Variants in SUPT3H observed in about 807,000 individuals in gnomAD.
The protein encoded by SUPT3H is transcription initiation protein SPT3 homolog.
Under a neutral mutation model 44.3 loss-of-function variants are expected in SUPT3H, and 44 were observed. That is an observed-to-expected ratio of 0.99 (90% CI 0.78 to 1.28). The LOEUF (loss-of-function observed/expected upper bound fraction) is 1.28. Among genes scored for constraint, SUPT3H ranks in the 50% most tolerant of loss-of-function variants. SUPT3H has a pLI of 0.00. For missense variants in SUPT3H, 380 were observed against 387.1 expected (o/e 0.98, Z 0.15); for synonymous variants, 124 against 125.6 (o/e 0.99, Z 0.09).
At chr6:45,345,685 T>C (rs1424980116) in intron 2 of SUPT3H, among the ~76,000 whole-genome samples, 1 of 152,182 alleles carries the variant, frequency 6.6e-6, no homozygotes, top group Non-Finnish European at 1.5e-5. Context: ...CTACAATAGG[T>C]CTTTCCACAG....
intron 2 of SUPT3H, among the ~76,000 whole-genome samples, chr6:45,351,367 G>A (rs951882910): frequency 5.3e-5 from 8 of 151,932 alleles, no homozygotes; most frequent in Non-Finnish European, 1.0e-4. Flanking sequence ...TACGTACCAG[G>A]CACTGTAAAA....
At position 45,150,026 on chromosome 6, in the gene SUPT3H, G is replaced by T. The variant is rs187858782; in HGVS notation, c.102-44020C>A. Among the ~76,000 whole-genome samples, 388 of 151,972 alleles carry T rather than the reference G, an allele frequency of 2.6e-3. 2 individuals are homozygous for T. Among genetic ancestry groups the T allele is most frequent in the Middle Eastern group, 3.4e-3 (1 of 294 alleles). On this transcript the variant is annotated intron_variant, in intron 2 of 10. Coordinates refer to ENST00000371459, the MANE Select transcript of SUPT3H (RefSeq NM_003599.4). ...TTGAATCTGAATATTTGAAATTGGG[G>T]CCCCAGCATCAATGTTTTTTTTAAG...
chr6:45,175,012 T>TAAAAAAAAAAA (rs57838175), intron 2 of SUPT3H, among the ~76,000 whole-genome samples: 1 of 62,538 alleles, frequency 1.6e-5, no homozygotes, highest in African/African-American at 6.3e-5. Context: ...CCCTCGTCAC[T>TAAAAAAAAAAA]AAAAAAAAAA....
chr6:45,339,904 A>T (rs953204987), intron 2 of SUPT3H, among the ~76,000 whole-genome samples: 1 of 152,178 alleles, frequency 6.6e-6, no homozygotes, highest in African/African-American at 2.4e-5. Flanking sequence ...TACTATGCTA[A>T]GCCATTTATA....
intron 2 of SUPT3H, among the ~76,000 whole-genome samples, chr6:45,111,178 G>A (rs1050221849): frequency 4.0e-5 from 6 of 151,662 alleles, no homozygotes; most frequent in South Asian, 2.1e-4. Context: ...GATTACAGGC[G>A]CCCGCCACCA....
chr6:45,242,559 G>A lies in SUPT3H; in HGVS notation c.101+122642C>T, dbSNP rs145238459. 2.1e-3 allele frequency among the ~76,000 whole-genome samples: 324 copies of A among 152,252 alleles called. 1 individual carries two copies. Among genetic ancestry groups the A allele is most frequent in the African/African-American group, 7.5e-3 (310 of 41,540 alleles). ...AGTGTAGACATCACTGAATACAATA[G>A]TGGCATTCAATAGTGACTCTTGGAA... is the stretch of plus-strand genomic sequence containing the variant. On this transcript the variant is annotated intron_variant, in intron 2 of 10. Coordinates refer to ENST00000371459, the MANE Select transcript of SUPT3H (RefSeq NM_003599.4).
rs1263094162 is a variant in SUPT3H, at chr6:45,243,194, T to C, written c.101+122007A>G. On this transcript the variant is annotated intron_variant, in intron 2 of 10. Transcript: ENST00000371459. ...GCCTGGGAAACAGAGCGAGACTCCT[T>C]CTCAAAAAAAAAAAAAAAAAAAAAA... is the stretch of plus-strand genomic sequence containing the variant. 7.4e-4 allele frequency among the ~76,000 whole-genome samples: 10 copies of C among 13,522 alleles called. No homozygotes were observed. In the African/African-American group the frequency reaches 9.3e-3, roughly 13 times the overall value. The allele number at this position is 13,522 out of a possible 152,430, so 8.9% of individuals were successfully genotyped here. A position where few individuals can be genotyped will look rare whatever the true frequency, so the allele number is the denominator to read the frequency against.
intron 2 of SUPT3H, among the ~76,000 whole-genome samples, chr6:45,273,845 C>A (rs952420564): frequency 6.6e-6 from 1 of 152,092 alleles, no homozygotes; most frequent in Non-Finnish European, 1.5e-5. Flanking sequence ...TGAATCTGCT[C>A]GATCACGTGG....
chr6:45,264,629 TAA>T (rs917914989), intron 2 of SUPT3H, among the ~76,000 whole-genome samples: 7 of 152,186 alleles, frequency 4.6e-5, no homozygotes, highest in South Asian at 4.1e-4. Flanking sequence ...ATACCAACCC[TAA>T]ACTGTCTAGC....
At chr6:44,989,891 G>GGA (rs1395963003) in intron 6 of SUPT3H, among the ~76,000 whole-genome samples, 3 of 151,612 alleles carry the variant, frequency 2.0e-5, no homozygotes, top group Non-Finnish European at 2.9e-5. Context: ...ATATATTTTG[G>GGA]GTATTAACTC....
chr6:45,280,573 A>G (rs1339287397), intron 2 of SUPT3H, among the ~76,000 whole-genome samples: 1 of 152,208 alleles, frequency 6.6e-6, no homozygotes, highest in Non-Finnish European at 1.5e-5. Context: ...AAAAACAGAA[A>G]AAGAAAAAAA....
intron 2 of SUPT3H, among the ~76,000 whole-genome samples, chr6:45,324,214 T>G (rs1385094562): frequency 7.1e-6 from 1 of 141,406 alleles, no homozygotes; most frequent in African/African-American, 2.7e-5. Context: ...TATGGATCAC[T>G]CTGCACTTCA....
intron 2 of SUPT3H, among the ~76,000 whole-genome samples, chr6:45,361,178 A>G (rs1279733698): frequency 2.0e-5 from 3 of 152,186 alleles, no homozygotes; most frequent in African/African-American, 7.2e-5. Flanking sequence ...TTTATTATAT[A>G]TAAGAAAATT....
At chr6:44,870,189 T>G (rs978040982) in intron 10 of SUPT3H, among the ~76,000 whole-genome samples, 16 of 152,214 alleles carry the variant, frequency 1.1e-4, no homozygotes, top group Admixed American at 1.0e-3. Flanking sequence ...CTTCTACCAA[T>G]GGAACAGTGC....
chr6:45,284,533 G>A (rs1778837474), intron 2 of SUPT3H, among the ~76,000 whole-genome samples: 1 of 152,120 alleles, frequency 6.6e-6, no homozygotes, highest in African/African-American at 2.4e-5. Context: ...ACCCTCCCAA[G>A]ACTAAACGAG....
At chr6:45,014,944 T>C in intron 4 of SUPT3H, 53 bp from the exon 5 acceptor site, 1 of 1,155,054 alleles carries the variant, frequency 8.7e-7, no homozygotes, top group Non-Finnish European at 1.2e-6. Context: ...ATATTCACTT[T>C]ACTGATTAAA....
chr6:45,230,662 C>CTATATATATATATATATATATA (rs66480751), intron 2 of SUPT3H, among the ~76,000 whole-genome samples: 15 of 68,722 alleles, frequency 2.2e-4, no homozygotes, highest in African/African-American at 7.3e-4. Flanking sequence ...TTCATTCAGT[C>CTATATATATATATATATATATA]TATATATATA....
chr6:44,988,290 C>G (rs546594796), intron 6 of SUPT3H, among the ~76,000 whole-genome samples: 1 of 151,848 alleles, frequency 6.6e-6, no homozygotes, highest in African/African-American at 2.4e-5. Flanking sequence ...TGTAAAAAGC[C>G]ACTACATATC....
At chr6:45,332,918 C>T (rs960238944) in intron 2 of SUPT3H, among the ~76,000 whole-genome samples, 2 of 151,620 alleles carry the variant, frequency 1.3e-5, no homozygotes, top group Non-Finnish European at 3.0e-5. Flanking sequence ...ATTTTTTCTC[C>T]TATACCAATG....
Sources: gnomAD v4.1 joint callset for allele counts (sites outside exome capture counted in the v4.1 genomes callset) on GRCh38, gnomAD v4.1.1 for gene constraint, MANE v1.5 for transcripts, NCBI Gene and HGNC (gene_info 2026-07-23, HGNC 2026-07-21) for gene names.